The following ZHX1 variants were observed in gnomAD, a reference collection of about 807,000 sequenced individuals.
ZHX1 encodes zinc fingers and homeoboxes protein 1.
ZHX1 carries 20 observed loss-of-function variants against 61.8 expected under a neutral mutation model. That is an observed-to-expected ratio of 0.32 (90% confidence interval 0.23 to 0.47). ZHX1 has a LOEUF of 0.47. Ranked by LOEUF, ZHX1 falls within the 20% of genes least tolerant of loss-of-function variation. The pLI is 1.00. For missense variants in ZHX1, 800 were observed against 1,034.8 expected, an observed-to-expected ratio of 0.77 and a Z score of 3.11; for synonymous variants, 318 against 352.6, an observed-to-expected ratio of 0.90 and a Z score of 1.10.
intron 1 of ZHX1, among the ~76,000 whole-genome samples, chr8:123,270,644 G>A (rs1826619018): frequency 1.3e-5 from 2 of 151,882 alleles, no homozygotes; most frequent in South Asian, 2.1e-4. Context: ...AATTAGCCGG[G>A]CGTGGGTGAC....
At position 123,255,813 on chromosome 8, in the gene ZHX1, C is replaced by T. The variant is rs1437432471; in HGVS notation, c.134G>A (p.Ser45Asn). 3 of 1,614,166 alleles carry T rather than the reference C, an allele frequency of 1.9e-6. No homozygotes were observed. Among genetic ancestry groups the T allele is most frequent in the Non-Finnish European group, 1.7e-6 (2 of 1,180,034 alleles). ...LTPVENTRAESISSDEEVHES... is the reference protein window; with the variant it reads ...LTPVENTRAENISSDEEVHES... ...ATGAACCTCTTCATCACTTGAGATA[C>T]TCTCTGCTCTGGTGTTTTCTACAGG... Residue 45 changes from serine (S) to asparagine (N), a missense_variant, in exon 3 of 4, where the codon AGT becomes AAT. Transcript: ENST00000395571.
rs778449892 is a variant in ZHX1 at position 123,255,062 on chromosome 8, G to T, written c.885C>A (p.Asn295Lys). The T allele has an allele frequency of 6.2e-7, 1 of 1,614,128 alleles. No individual in the cohort carries two copies. The highest frequency in any genetic ancestry group is 1.1e-5 in the South Asian group (1 of 91,090). ...SIPTYNAALD[N>K]NPLLLNTYNK... The stretch of plus-strand genomic sequence containing the variant: ...TGTAGGTGTTAAGTAAAAGGGGATT[G>T]TTATCCAATGCAGCATTGTAGGTGG... The change falls in exon 3 of 4, where the codon AAC (asparagine) becomes AAA (lysine). Residue 295 changes from asparagine to lysine, a missense_variant. Asn to Lys is a moderately conservative substitution (Grantham distance 94, BLOSUM62 0). Coordinates refer to ENST00000395571, the MANE Select transcript of ZHX1 (RefSeq NM_007222.5).
At chr8:123,262,548 C>T (rs1358751541) in intron 2 of ZHX1, among the ~76,000 whole-genome samples, 2 of 152,112 alleles carry the variant, frequency 1.3e-5, no homozygotes, top group African/African-American at 2.4e-5. Flanking sequence ...AGTCCCGTTA[C>T]GTTGCCCAGG....
At position 123,255,961 on chromosome 8, in the gene ZHX1, G is replaced by A; in HGVS notation, c.-15C>T. On this transcript the variant is annotated 5_prime_UTR_variant, in exon 3 of 4. Transcript: ENST00000395571. ...CTGCTTGCCATTCTGATGTTATGAG[G>A]AAAAGCTCAGTGGTGATTAAAAAGC... 2 of 1,591,354 alleles carry A rather than the reference G, an allele frequency of 1.3e-6. No individual in the cohort carries two copies. Among genetic ancestry groups the A allele is most frequent in the Admixed American group, 1.8e-5 (1 of 57,020 alleles).
intron 2 of ZHX1, among the ~76,000 whole-genome samples, chr8:123,261,130 A>G (rs1826243657): frequency 6.6e-6 from 1 of 152,268 alleles, no homozygotes; most frequent in Admixed American, 6.5e-5. Context: ...GAGACTGAGA[A>G]GTCCCAAAAG....
intron 1 of ZHX1, among the ~76,000 whole-genome samples, chr8:123,269,000 A>G (rs1826555685): frequency 6.6e-6 from 1 of 152,206 alleles, no homozygotes; most frequent in Non-Finnish European, 1.5e-5. Flanking sequence ...GAATAAGTAC[A>G]CTATTTTCAT....
At chr8:123,261,606 G>A (rs893743635) in intron 2 of ZHX1, among the ~76,000 whole-genome samples, 5 of 152,130 alleles carry the variant, frequency 3.3e-5, no homozygotes, top group Non-Finnish European at 7.4e-5. Context: ...CAGTAAGAAA[G>A]ATATCAGTAC....
chr8:123,258,048 GT>G (rs1182160131), intron 2 of ZHX1, among the ~76,000 whole-genome samples: 1 of 152,148 alleles, frequency 6.6e-6, no homozygotes, highest in African/African-American at 2.4e-5. Context: ...TAATTTGGAT[GT>G]TTGATCCCTT....
In ZHX1 at chr8:123,250,228, A is replaced by G. The variant is rs1338719574; in HGVS notation, c.*96T>C. 2 of 454,204 alleles carry G rather than the reference A, an allele frequency of 4.4e-6. No individual in the cohort carries two copies. The highest frequency in any genetic ancestry group is 2.4e-5 in the Admixed American group (1 of 42,180). The allele number at this position is 454,204 out of a possible 1,614,324, so 28.1% of individuals were successfully genotyped here. ...CTGCTTTTTGAGTGTGTATGCCCCA[A>G]AACGTTTTCAATGTCATCAAAGATT... On this transcript the variant is annotated 3_prime_UTR_variant, in exon 4 of 4. Coordinates refer to ENST00000395571, the MANE Select transcript of ZHX1 (RefSeq NM_007222.5).
At chr8:123,256,403 A>C (rs1456640221) in intron 2 of ZHX1, among the ~76,000 whole-genome samples, 2 of 152,288 alleles carry the variant, frequency 1.3e-5, no homozygotes, top group East Asian at 1.9e-4. Flanking sequence ...ATTCATTTAA[A>C]TTTTTTAGCC....
chr8:123,255,990 G>A lies in ZHX1; in HGVS notation c.-44C>T, dbSNP rs946475316. ...AGCTCAGTGGTGATTAAAAAGCATC[G>A]AGGCTTAAAACTGTTCAGTGTTCTT... On this transcript the variant is annotated 5_prime_UTR_variant, in exon 3 of 4. Coordinates refer to ENST00000395571, the MANE Select transcript of ZHX1 (RefSeq NM_007222.5). 20 of 1,535,094 alleles carry A rather than the reference G, an allele frequency of 1.3e-5. No homozygotes were observed. The highest frequency in any genetic ancestry group is 4.2e-5 in the African/African-American group (3 of 72,234).
At chr8:123,274,549 T>A (rs1268208118), upstream of ZHX1, 2 of 152,072 alleles carry the variant, frequency 1.3e-5, no homozygotes, top group African/African-American at 4.8e-5. Flanking sequence ...GCTACTCCAC[T>A]GGGGTCCGAC....
At chr8:123,270,880 C>T (rs1826631448) in intron 1 of ZHX1, among the ~76,000 whole-genome samples, 1 of 151,794 alleles carries the variant, frequency 6.6e-6, no homozygotes, top group Non-Finnish European at 1.5e-5. Context: ...AGTATATCAT[C>T]ACATTTGTTT....
intron 3 of ZHX1, among the ~76,000 whole-genome samples, chr8:123,251,026 C>T (rs1825901548): frequency 6.6e-6 from 1 of 152,130 alleles, no homozygotes; most frequent in South Asian, 2.1e-4. Flanking sequence ...TAAGCCCATA[C>T]ATAACTTTTA....
At position 123,249,882 on chromosome 8, in the gene ZHX1, T is replaced by C. The variant is rs1267975264; in HGVS notation, c.*442A>G. 6.7e-6 allele frequency: 1 copy of C among 149,832 alleles called. No individual in the cohort carries two copies. Among genetic ancestry groups the C allele is most frequent in the African/African-American group, 2.5e-5 (1 of 40,642 alleles). The allele number at this position is 149,832 out of a possible 1,614,324, so 9.3% of individuals were successfully genotyped here. A position where few individuals can be genotyped will look rare whatever the true frequency, so the allele number is the denominator to read the frequency against. ...TTTACCCATTTCTAACAATTTTTAC[T>C]GTAAAATTTTTGGTCAAAGTTCTAA... On this transcript the variant is annotated 3_prime_UTR_variant, in exon 4 of 4. Coordinates refer to ENST00000395571, the MANE Select transcript of ZHX1 (RefSeq NM_007222.5).
chr8:123,269,833 C>G (rs369480181), intron 1 of ZHX1, among the ~76,000 whole-genome samples: 14 of 152,170 alleles, frequency 9.2e-5, no homozygotes, highest in Non-Finnish European at 2.1e-4. Context: ...TAACTGTTGA[C>G]AAGTGATAAA....
At chr8:123,261,565 A>G (rs563048604) in intron 2 of ZHX1, among the ~76,000 whole-genome samples, 4 of 152,356 alleles carry the variant, frequency 2.6e-5, no homozygotes, top group African/African-American at 9.6e-5. Context: ...AGCAAGCAGT[A>G]AACAATTACT....
rs190934746 is a variant in ZHX1, at chr8:123,250,875, T to C, written c.*4-555A>G. 1.6e-3 allele frequency among the ~76,000 whole-genome samples: 242 copies of C among 152,372 alleles called. 1 individual carries two copies. The highest frequency in any genetic ancestry group is 5.7e-3 in the African/African-American group (238 of 41,598). ...TTTAAAAAGGCATGCTTCTATGCTA[T>C]CACAAAAGTATATAATATGGTTTGG... On this transcript the variant is annotated intron_variant, in intron 3 of 3. Coordinates refer to ENST00000395571, the MANE Select transcript of ZHX1 (RefSeq NM_007222.5).
chr8:123,264,473 T>G (rs1368002962), intron 2 of ZHX1, among the ~76,000 whole-genome samples: 1 of 152,222 alleles, frequency 6.6e-6, no homozygotes, highest in African/African-American at 2.4e-5. Flanking sequence ...CTGTTTGGAC[T>G]TCAAATTAAA....
Sources: allele counts gnomAD v4.1 joint callset (sites outside exome capture counted in the v4.1 genomes callset), GRCh38; gene constraint gnomAD v4.1.1; transcripts MANE v1.5; gene names NCBI Gene and HGNC (gene_info 2026-07-23, HGNC 2026-07-21).